The following GLIS3 variants were observed in gnomAD, a reference collection of about 807,000 sequenced individuals.
GLIS3 encodes the protein GLIS family zinc finger 3.
Under a neutral mutation model 78.6 loss-of-function variants are expected in GLIS3, and 53 were observed. That is an observed-to-expected ratio of 0.67 (90% CI 0.54 to 0.85). The LOEUF (loss-of-function observed/expected upper bound fraction) is 0.85. Ranked by LOEUF, GLIS3 falls within the 40% of genes least tolerant of loss-of-function variation. The pLI, the probability that GLIS3 is intolerant of heterozygous loss-of-function variation, is 0.00. For synonymous variants in GLIS3, 684 were observed against 509.9 expected (o/e 1.34, Z -4.60); for missense variants, 1,703 against 1,231.1 (o/e 1.38, Z -5.74).
intron 2 of GLIS3, among the ~76,000 whole-genome samples, chr9:4,273,159 G>C (rs1305326626): frequency 6.6e-6 from 1 of 152,136 alleles, no homozygotes; most frequent in Non-Finnish European, 1.5e-5. Context: ...CAAAAGACAA[G>C]TCTCAAGAAT....
chr9:4,414,888 C>G, the GLIS3 span, among the ~76,000 whole-genome samples: 31 of 152,004 alleles, frequency 2.0e-4, no homozygotes, highest in Admixed American at 1.3e-4. Flanking sequence ...TAAAATCCTC[C>G]TTACTCCTGA....
At chr9:4,206,109 A>G (rs1819858063) in intron 2 of GLIS3, among the ~76,000 whole-genome samples, 1 of 152,256 alleles carries the variant, frequency 6.6e-6, no homozygotes. Context: ...CCCATTTTCA[A>G]ATTATGAAGG....
intron 4 of GLIS3, among the ~76,000 whole-genome samples, chr9:4,108,619 G>A (rs557997152): frequency 6.6e-6 from 1 of 152,204 alleles, no homozygotes; most frequent in Non-Finnish European, 1.5e-5. Context: ...GAAAGAGAGT[G>A]ACAAAAAAGA....
Position 3,949,608 on chromosome 9 carries a change from T to C in GLIS3, c.1711-12419A>G, listed in dbSNP as rs114892687. 4.3e-3 allele frequency among the ~76,000 whole-genome samples: 652 copies of C among 152,356 alleles called. 6 individuals carry two copies. The highest frequency in any genetic ancestry group is 0.015 in the African/African-American group (630 of 41,580). ...CAAAACTTGGCCCTCCTTAGGTGCG[T>C]ACTTAGCTTACCTTTTCTTCAAAGT... is the stretch of plus-strand genomic sequence containing the variant. On this transcript the variant is annotated intron_variant, in intron 4 of 10. Transcript: ENST00000381971.
At chr9:4,377,873 C>A in the GLIS3 span, among the ~76,000 whole-genome samples, 1,528 of 152,002 alleles carry the variant, frequency 0.01, 34 homozygotes, top group African/African-American at 0.035. Context: ...AAGTTTTTAA[C>A]GTAGTTGTAA....
intron 2 of GLIS3, among the ~76,000 whole-genome samples, chr9:4,256,969 G>A (rs1315034878): frequency 6.6e-6 from 1 of 152,094 alleles, no homozygotes; most frequent in Non-Finnish European, 1.5e-5. Context: ...CAGATGAATG[G>A]ACAAAGAAGT....
At position 3,827,885 on chromosome 9, in the gene GLIS3, T is replaced by C. The variant is rs1817810210; in HGVS notation, c.*387A>G. On this transcript the variant is annotated 3_prime_UTR_variant, in exon 11 of 11. Transcript: ENST00000381971. ...AGGCAGGTCACTATGCCTCTCGTAATTGAGGTCTTTTTCCCTGTTTGGAGT... is the reference window on the plus strand; with the variant it reads ...AGGCAGGTCACTATGCCTCTCGTAACTGAGGTCTTTTTCCCTGTTTGGAGT... 3.2e-6 allele frequency: 1 copy of C among 311,760 alleles called. No homozygotes were observed. Among genetic ancestry groups the C allele is most frequent in the Non-Finnish European group, 6.3e-6 (1 of 159,878 alleles). 19.3% of individuals were successfully genotyped at this position (311,760 alleles called of 1,614,324 possible). A position where few individuals can be genotyped will look rare whatever the true frequency, so the allele number is the denominator to read the frequency against.
At chr9:3,880,917 C>A (rs1821686943) in intron 7 of GLIS3, among the ~76,000 whole-genome samples, 1 of 152,210 alleles carries the variant, frequency 6.6e-6, no homozygotes, top group Non-Finnish European at 1.5e-5. Context: ...TCCTCAGAAG[C>A]CTGTACCTAC....
At chr9:3,953,587 T>C (rs1181198439) in intron 4 of GLIS3, among the ~76,000 whole-genome samples, 1 of 152,234 alleles carries the variant, frequency 6.6e-6, no homozygotes, top group Non-Finnish European at 1.5e-5. Context: ...TGAATATTTC[T>C]TTGTACAAAT....
Position 4,312,266 on chromosome 9 carries a change from A to G in GLIS3, n.265-1738T>C, listed in dbSNP as rs531455966. 2.0e-5 allele frequency among the ~76,000 whole-genome samples: 3 copies of G among 152,298 alleles called. No homozygotes were observed. In the East Asian group the frequency reaches 5.8e-4, roughly 29 times the overall value. ...GCGGATCACTTGAGGTCAGGAGTTC[A>G]AGACCATCCTGGCCAACATGGCAAA... On this transcript the variant is annotated intron_variant and non_coding_transcript_variant, in intron 2 of 4. Transcript: ENST00000471664.
upstream of GLIS3, among the ~76,000 whole-genome samples, chr9:4,302,517 A>G (rs570644706): frequency 1.2e-4 from 19 of 152,364 alleles, no homozygotes; most frequent in South Asian, 2.7e-3. Context: ...CCAGTGTCTT[A>G]GTTGTAGCAA....
chr9:4,373,902 G>A, the GLIS3 span, among the ~76,000 whole-genome samples: 461 of 152,120 alleles, frequency 3.0e-3, 2 homozygotes, highest in African/African-American at 9.8e-3. Context: ...TCCTGACCTC[G>A]TGATCTGCCT....
chr9:4,326,356 A>G (rs1817599970), intron 2 of GLIS3, among the ~76,000 whole-genome samples: 1 of 152,262 alleles, frequency 6.6e-6, no homozygotes, highest in Admixed American at 6.5e-5. Flanking sequence ...TATACATACA[A>G]TGGAATATTA....
intron 7 of GLIS3, 177 bp downstream of exon 7, chr9:3,898,514 A>G (rs1341200422): frequency 5.6e-6 from 4 of 714,668 alleles, no homozygotes; most frequent in Admixed American, 2.1e-5. Context: ...AGAAAAAACA[A>G]TCTGCTGCCA....
chr9:3,941,604 A>G (rs1815923378), intron 4 of GLIS3, among the ~76,000 whole-genome samples: 1 of 152,140 alleles, frequency 6.6e-6, no homozygotes, highest in Non-Finnish European at 1.5e-5. Context: ...GAAAAAGCAC[A>G]GAAGGGGAGC....
chr9:3,877,128 C>T (rs1297561888), intron 8 of GLIS3, among the ~76,000 whole-genome samples: 1 of 152,152 alleles, frequency 6.6e-6, no homozygotes, highest in Admixed American at 6.5e-5. Flanking sequence ...TTGATCATTC[C>T]TGAGCTTCAC....
chr9:3,840,144 C>T (rs1463979138), intron 9 of GLIS3, among the ~76,000 whole-genome samples: 2 of 152,188 alleles, frequency 1.3e-5, no homozygotes, highest in African/African-American at 4.8e-5. Context: ...GCATTTGGTG[C>T]ATTCTCTGGC....
chr9:4,301,719 G>A (rs2130489841), upstream of GLIS3, among the ~76,000 whole-genome samples: 1 of 152,220 alleles, frequency 6.6e-6, no homozygotes, highest in South Asian at 2.1e-4. Context: ...GTATCCTAGG[G>A]GCTTGCAGAA....
chr9:4,297,048 C>T (rs1463153316), intron 1 of GLIS3, among the ~76,000 whole-genome samples: 2 of 151,274 alleles, frequency 1.3e-5, no homozygotes, highest in Non-Finnish European at 2.9e-5. Flanking sequence ...ACAGAACCAG[C>T]GGAAACAAAC....
Sources: gnomAD v4.1 joint callset for allele counts (sites outside exome capture counted in the v4.1 genomes callset) on GRCh38, gnomAD v4.1.1 for gene constraint, MANE v1.5 for transcripts, NCBI Gene and HGNC (gene_info 2026-07-23, HGNC 2026-07-21) for gene names.